Variants in DTWD1 observed in about 807,000 individuals in gnomAD.
The protein encoded by DTWD1 is DTW motif tRNA-uridine aminocarboxypropyltransferase 1.
Under a neutral mutation model 30.2 loss-of-function variants are expected in DTWD1, and 27 were observed. That is an observed-to-expected ratio of 0.90 (90% confidence interval 0.66 to 1.23). The LOEUF (loss-of-function observed/expected upper bound fraction) is 1.23, where lower values mean the gene tolerates loss of function less well. DTWD1 is among the 50% of genes most tolerant of loss of function. The pLI, the probability that DTWD1 is intolerant of heterozygous loss-of-function variation, is 0.00. For missense variants in DTWD1, 342 were observed against 348.8 expected (o/e 0.98, Z 0.15); for synonymous variants, 99 against 113.1 (o/e 0.88, Z 0.79).
In DTWD1 at chr15:49,653,341, A is replaced by C. The variant is rs1343214692; in HGVS notation, c.*9763A>C. 6.6e-6 allele frequency: 1 copy of C among 152,134 alleles called. No homozygotes were observed. Among genetic ancestry groups the C allele is most frequent in the African/African-American group, 2.4e-5 (1 of 41,436 alleles). The allele number at this position is 152,134 out of a possible 1,614,324, so 9.4% of individuals were successfully genotyped here. A position where few individuals can be genotyped will look rare whatever the true frequency, so the allele number is the denominator to read the frequency against. On this transcript the variant is annotated 3_prime_UTR_variant, in exon 5 of 5. Coordinates refer to ENST00000403028, the MANE Select transcript of DTWD1 (RefSeq NM_001144955.2). ...TTTACAGGTGAGTGATAGGAACCACAAGCCCCAAGCAGCCTCTGGAAGCTG... is the reference window on the plus strand; with the variant it reads ...TTTACAGGTGAGTGATAGGAACCACCAGCCCCAAGCAGCCTCTGGAAGCTG...
At position 49,636,493 on chromosome 15, in the gene DTWD1, G is replaced by A. The variant is rs867422157; in HGVS notation, c.667+1699G>A. ...TTCCCCCCATATAGCATTTAAACTC[G>A]TCACGGTTTATTTCATTATTATGTA... is the stretch of plus-strand genomic sequence containing the variant. On this transcript the variant is annotated intron_variant, in intron 4 of 4. Coordinates refer to ENST00000403028, the MANE Select transcript of DTWD1 (RefSeq NM_001144955.2). Among the ~76,000 whole-genome samples the A allele has an allele frequency of 5.5e-3, 832 of 151,936 alleles. 16 individuals are homozygous for A. Among genetic ancestry groups the A allele is most frequent in the African/African-American group, 0.019 (795 of 41,396 alleles).
At chr15:49,629,766 G>A (rs1401225683) in intron 2 of DTWD1, 1 of 152,172 alleles carries the variant, frequency 6.6e-6, no homozygotes. Flanking sequence ...TTGATGATTA[G>A]AAGCAATTGG....
chr15:49,621,241 T>TCG (rs765293305), intron 1 of DTWD1, 119 bp downstream of exon 1: 3 of 152,146 alleles, frequency 2.0e-5, no homozygotes, highest in Non-Finnish European at 4.4e-5. Context: ...CTAGCGGAGG[T>TCG]CGCGCTGGGT....
At chr15:49,625,582 C>A in intron 2 of DTWD1, 151 bp downstream of exon 2, 1 of 830,210 alleles carries the variant, frequency 1.2e-6, no homozygotes, top group Non-Finnish European at 1.8e-6. Context: ...AGCACTTAGA[C>A]AGAAAATTTC....
Position 49,632,295 on chromosome 15 carries a change from A to G in DTWD1, c.401A>G (p.Asp134Gly), listed in dbSNP as rs2078932575. The change falls in exon 3 of 5, where the codon GAC (aspartate) becomes GGC (glycine). Residue 134 changes from aspartate to glycine, a missense_variant. Coordinates refer to ENST00000403028, the MANE Select transcript of DTWD1 (RefSeq NM_001144955.2). ...TGTATTCCAGAATATGAAGAAAAGG[A>G]CCATGAAGTAGGCAACTTAGTTTTT... ...YPCIPEYEEK[D>G]HEVALIFPGP... The G allele has an allele frequency of 7.0e-6, 11 of 1,577,522 alleles. No individual in the cohort carries two copies. Among genetic ancestry groups the G allele is most frequent in the Non-Finnish European group, 9.4e-6 (11 of 1,171,368 alleles).
chr15:49,630,943 G>A, intron 2 of DTWD1: 1 of 431,064 alleles, frequency 2.3e-6, no homozygotes, highest in South Asian at 1.7e-5. Context: ...GACCTAGATT[G>A]CATGCTCCTT....
intron 1 of DTWD1, among the ~76,000 whole-genome samples, chr15:49,623,412 G>A (rs962446325): frequency 1.5e-4 from 23 of 151,110 alleles, no homozygotes; most frequent in Non-Finnish European, 1.5e-5. Context: ...GGACTATTAG[G>A]ATCTCTTCCC....
intron 2 of DTWD1, among the ~76,000 whole-genome samples, chr15:49,626,138 A>ACC (rs2078841469): frequency 6.6e-6 from 1 of 152,066 alleles, no homozygotes; most frequent in Non-Finnish European, 1.5e-5. Flanking sequence ...ACAACATGGG[A>ACC]AAAAATGTGT....
chr15:49,634,029 G>A (rs974991806), intron 3 of DTWD1, among the ~76,000 whole-genome samples: 1 of 152,276 alleles, frequency 6.6e-6, no homozygotes, highest in Admixed American at 6.5e-5. Context: ...CAAAGGGTAT[G>A]AATATTTTAA....
chr15:49,624,634 A>G (rs562815098), intron 1 of DTWD1, among the ~76,000 whole-genome samples: 12 of 152,178 alleles, frequency 7.9e-5, no homozygotes, highest in African/African-American at 2.7e-4. Context: ...ATGAAGTTTT[A>G]TATGTATATG....
intron 3 of DTWD1, among the ~76,000 whole-genome samples, chr15:49,633,982 ATTATT>A (rs903657584): frequency 1.5e-4 from 23 of 152,242 alleles, no homozygotes; most frequent in African/African-American, 5.1e-4. Flanking sequence ...TGTGTTTAGG[ATTATT>A]TTATTACATT....
intron 4 of DTWD1, 103 bp from the exon 5 acceptor site, chr15:49,643,228 A>G: frequency 1.5e-6 from 2 of 1,313,442 alleles, no homozygotes; most frequent in South Asian, 1.9e-5. Context: ...AAATTCTTAG[A>G]ATAATTAAGA....
At position 49,652,381 on chromosome 15, in the gene DTWD1, G is replaced by T. The variant is rs947600252; in HGVS notation, c.*8803G>T. 4 of 152,172 alleles carry T rather than the reference G, an allele frequency of 2.6e-5. No individual in the cohort carries two copies. Among genetic ancestry groups the T allele is most frequent in the African/African-American group, 9.7e-5 (4 of 41,450 alleles). 9.4% of individuals were successfully genotyped at this position (152,172 alleles called of 1,614,324 possible). On this transcript the variant is annotated 3_prime_UTR_variant, in exon 5 of 5. Transcript: ENST00000403028. The stretch of plus-strand genomic sequence containing the variant: ...GAATCCTGGTTACACAATCTGGGCA[G>T]AAGTAATAAATGTGGTGCCCAAGTG...
At position 49,649,545 on chromosome 15, in the gene DTWD1, T is replaced by C. The variant is rs2079140458; in HGVS notation, c.*5967T>C. On this transcript the variant is annotated 3_prime_UTR_variant, in exon 5 of 5. Transcript: ENST00000403028. ...TGAGGTCTGGAGTTTAAGACCAGCC[T>C]GGCTAACATGGCGAAACTCTGTCTC... The C allele has an allele frequency of 6.6e-6, 1 of 152,204 alleles. No homozygotes were observed. The highest frequency in any genetic ancestry group is 2.4e-5 in the African/African-American group (1 of 41,420). The allele number at this position is 152,204 out of a possible 1,614,324, so 9.4% of individuals were successfully genotyped here.
In DTWD1 at chr15:49,634,786, G is replaced by A. The variant is rs878981140; in HGVS notation, c.659G>A (p.Arg220Gln). The change falls in exon 4 of 5, where the codon CGA becomes CAA. Residue 220 changes from arginine to glutamine, a missense_variant. Coordinates refer to ENST00000403028, the MANE Select transcript of DTWD1 (RefSeq NM_001144955.2). ...NQTNKIFTDERLQGLLQVELK... is the reference protein window; with the variant it reads ...NQTNKIFTDEQLQGLLQVELK... ...ACAAACAAAATATTCACTGATGAGCGACTTCAAGGTAAAAAAAAAATGTTT... is the reference window on the plus strand; with the variant it reads ...ACAAACAAAATATTCACTGATGAGCAACTTCAAGGTAAAAAAAAAATGTTT... 5.2e-6 allele frequency: 8 copies of A among 1,553,104 alleles called. No homozygotes were observed. Among genetic ancestry groups the A allele is most frequent in the South Asian group, 1.2e-5 (1 of 80,028 alleles).
At chr15:49,637,110 G>A (rs2079012394) in intron 4 of DTWD1, among the ~76,000 whole-genome samples, 1 of 152,100 alleles carries the variant, frequency 6.6e-6, no homozygotes, top group Non-Finnish European at 1.5e-5. Flanking sequence ...GTATTCTTAT[G>A]TAAAGAAGAG....
rs1415548487 is a variant in DTWD1, at chr15:49,649,371, T to C, written c.*5793T>C. The C allele has an allele frequency of 6.6e-6, 1 of 152,094 alleles. No individual in the cohort carries two copies. Among genetic ancestry groups the C allele is most frequent in the African/African-American group, 2.4e-5 (1 of 41,422 alleles). 9.4% of individuals were successfully genotyped at this position (152,094 alleles called of 1,614,324 possible). On this transcript the variant is annotated 3_prime_UTR_variant, in exon 5 of 5. Coordinates refer to ENST00000403028, the MANE Select transcript of DTWD1 (RefSeq NM_001144955.2). ...CTCCCATATATTCTTGAGATAAAGATGCTTAGGAGAATACTGAAGATGTTT... is the reference window on the plus strand; with the variant it reads ...CTCCCATATATTCTTGAGATAAAGACGCTTAGGAGAATACTGAAGATGTTT...
intron 2 of DTWD1, chr15:49,630,977 C>G (rs573339517): frequency 4.5e-6 from 2 of 447,526 alleles, no homozygotes; most frequent in South Asian, 3.2e-5. Flanking sequence ...GCCTGAAGAT[C>G]TGTCACTGTC....
chr15:49,633,049 C>CTATATATA (rs1555588610), intron 3 of DTWD1, among the ~76,000 whole-genome samples: 51 of 117,332 alleles, frequency 4.3e-4, no homozygotes, highest in South Asian at 1.6e-3. Flanking sequence ...ATATCTATAT[C>CTATATATA]TATATATATA....
Sources: gnomAD v4.1 joint callset for allele counts (sites outside exome capture counted in the v4.1 genomes callset) on GRCh38, gnomAD v4.1.1 for gene constraint, MANE v1.5 for transcripts, NCBI Gene and HGNC (gene_info 2026-07-23, HGNC 2026-07-21) for gene names.